The following KCTD9 variants were observed in gnomAD, a reference collection of about 807,000 sequenced individuals.
KCTD9 encodes potassium channel tetramerization domain containing 9.
A neutral mutation model predicts 53.3 loss-of-function variants in KCTD9; 17 were observed. That is an observed-to-expected ratio of 0.32 (90% CI 0.22 to 0.48). The LOEUF is 0.48. Ranked by LOEUF, KCTD9 falls within the 20% of genes least tolerant of loss-of-function variation. The pLI is 0.99. For missense variants in KCTD9, 179 were observed against 465.5 expected, an observed-to-expected ratio of 0.38 and a Z score of 5.66; for synonymous variants, 128 against 162.7, an observed-to-expected ratio of 0.79 and a Z score of 1.62.
At chr8:25,442,955 A>G (rs1400473609) in intron 3 of KCTD9, among the ~76,000 whole-genome samples, 2 of 152,180 alleles carry the variant, frequency 1.3e-5, no homozygotes, top group Admixed American at 6.5e-5. Flanking sequence ...GACTATTGAT[A>G]TAGAAAAAGG....
chr8:25,435,228 T>C (rs867962614), intron 9 of KCTD9, 135 bp downstream of exon 9: 3 of 570,562 alleles, frequency 5.3e-6, no homozygotes, highest in Admixed American at 4.1e-5. Context: ...TAGTCTTATA[T>C]CAACATAATA....
rs145412341 is a variant in KCTD9, at chr8:25,434,783, A to G, written c.813+580T>C. Among the ~76,000 whole-genome samples, 329 of 152,336 alleles carry G rather than the reference A, an allele frequency of 2.2e-3. 4 individuals carry two copies. The highest frequency in any genetic ancestry group is 6.8e-3 in the African/African-American group (282 of 41,572). On this transcript the variant is annotated intron_variant, in intron 9 of 11. Transcript: ENST00000221200. ...TGGTGGTAAGGAACTTAAAGTTGTT[A>G]AAAATTAATAGATTTCATTGTTGGT...
chr8:25,430,836 CACACACAA>C (rs1801914667), intron 11 of KCTD9, among the ~76,000 whole-genome samples: 1 of 143,816 alleles, frequency 7.0e-6, no homozygotes, highest in African/African-American at 2.7e-5. Context: ...CACACACACA[CACACACAA>C]TTTTTTTTTT....
intron 1 of KCTD9, among the ~76,000 whole-genome samples, chr8:25,449,694 G>A (rs962778799): frequency 5.9e-5 from 9 of 151,962 alleles, no homozygotes; most frequent in African/African-American, 1.9e-4. Context: ...AAGTTAAAAT[G>A]CAGTTCAGTC....
chr8:25,448,543 CTTTT>C (rs1309982971), intron 1 of KCTD9, among the ~76,000 whole-genome samples: 1 of 152,148 alleles, frequency 6.6e-6, no homozygotes, highest in Non-Finnish European at 1.5e-5. Flanking sequence ...TTTGTTCCAT[CTTTT>C]ATCACAATAA....
At chr8:25,457,428 G>A in intron 1 of KCTD9, 1 of 959,800 alleles carries the variant, frequency 1.0e-6, no homozygotes, top group Non-Finnish European at 1.2e-6. Flanking sequence ...GGCTGGGAAG[G>A]AAGAGAATTC....
In KCTD9 at chr8:25,427,999, T is replaced by G. The variant is rs973036217; in HGVS notation, c.*1858A>C. ...AAGCAAAATACAGAAAGTGATGATTTTCAAAAGGAAGAGAAGAAACTCCTT... is the reference window on the plus strand; with the variant it reads ...AAGCAAAATACAGAAAGTGATGATTGTCAAAAGGAAGAGAAGAAACTCCTT... On this transcript the variant is annotated 3_prime_UTR_variant, in exon 12 of 12. Transcript: ENST00000221200. 3.9e-5 allele frequency: 6 copies of G among 152,268 alleles called. No individual in the cohort carries two copies. Among genetic ancestry groups the G allele is most frequent in the Admixed American group, 1.3e-4 (2 of 15,274 alleles). 9.4% of individuals were successfully genotyped at this position (152,268 alleles called of 1,614,324 possible).
intron 3 of KCTD9, among the ~76,000 whole-genome samples, chr8:25,441,902 G>A (rs1017287798): frequency 2.0e-5 from 3 of 152,050 alleles, no homozygotes; most frequent in Non-Finnish European, 4.4e-5. Context: ...CTGGTTGGGG[G>A]CTGAGGCAGG....
At chr8:25,439,471 G>A (rs1218530174) in intron 5 of KCTD9, 64 bp from the exon 6 acceptor site, 7 of 1,563,472 alleles carry the variant, frequency 4.5e-6, no homozygotes, top group Non-Finnish European at 6.1e-6. Flanking sequence ...AAATGTATGA[G>A]GAAAAAATTG....
intron 1 of KCTD9, among the ~76,000 whole-genome samples, chr8:25,447,415 G>A (rs922110814): frequency 6.6e-6 from 1 of 152,098 alleles, no homozygotes; most frequent in Non-Finnish European, 1.5e-5. Flanking sequence ...ATAAGTAGGT[G>A]AAGAGCTAAA....
chr8:25,434,559 A>ACC (rs1801985754), intron 9 of KCTD9, among the ~76,000 whole-genome samples: 1 of 152,076 alleles, frequency 6.6e-6, no homozygotes, highest in Admixed American at 6.6e-5. Context: ...TACTAACCTG[A>ACC]CCCTTCATGA....
At chr8:25,453,242 A>C (rs1311784774) in intron 1 of KCTD9, among the ~76,000 whole-genome samples, 3 of 152,016 alleles carry the variant, frequency 2.0e-5, no homozygotes, top group African/African-American at 7.2e-5. Flanking sequence ...CTGTAATTCC[A>C]GCTACTCAGG....
At chr8:25,451,704 G>A (rs1419164530) in intron 1 of KCTD9, among the ~76,000 whole-genome samples, 1 of 152,162 alleles carries the variant, frequency 6.6e-6, no homozygotes, top group African/African-American at 2.4e-5. Context: ...ACCATGCCTA[G>A]TACGATTGGC....
At chr8:25,458,154 T>C (rs1586447317) in intron 1 of KCTD9, 45 bp downstream of exon 1, 3 of 1,465,116 alleles carry the variant, frequency 2.0e-6, no homozygotes, top group South Asian at 1.2e-5. Flanking sequence ...CCGTCCGCCC[T>C]CGCCCCGACC....
chr8:25,429,640 T>G lies in KCTD9; in HGVS notation c.*217A>C. The G allele has an allele frequency of 2.3e-6, 1 of 433,262 alleles. No homozygotes were observed. The highest frequency in any genetic ancestry group is 4.6e-5 in the East Asian group (1 of 21,526). 26.8% of individuals were successfully genotyped at this position (433,262 alleles called of 1,614,324 possible). On this transcript the variant is annotated 3_prime_UTR_variant, in exon 12 of 12. Coordinates refer to ENST00000221200, the MANE Select transcript of KCTD9 (RefSeq NM_017634.4). ...GGCAGCAATATCTAGTTTCCCTACATCTATTAAATGAGTGCTTTTCTGTTA... is the reference window on the plus strand; with the variant it reads ...GGCAGCAATATCTAGTTTCCCTACAGCTATTAAATGAGTGCTTTTCTGTTA...
rs527812457 is a variant in KCTD9 at position 25,446,823 on chromosome 8, C to T, written c.49-573G>A. Among the ~76,000 whole-genome samples the T allele has an allele frequency of 5.3e-5, 8 of 152,256 alleles. No homozygotes were observed. In the South Asian group the frequency reaches 1.7e-3, roughly 32 times the overall value. On this transcript the variant is annotated intron_variant, in intron 1 of 11. Transcript: ENST00000221200. ...CTACCACAGAAAAGATAACTTCTCA[C>T]CTCATTTATTTAATTCTTCACTAAC...
chr8:25,439,513 C>T, intron 5 of KCTD9, 93 bp downstream of exon 5: 2 of 1,553,408 alleles, frequency 1.3e-6, no homozygotes, highest in Non-Finnish European at 1.8e-6. Context: ...TAAAAACTGA[C>T]ATAATTAGTA....
intron 1 of KCTD9, among the ~76,000 whole-genome samples, chr8:25,451,726 T>A (rs551053985): frequency 7.3e-4 from 111 of 152,334 alleles, no homozygotes; most frequent in African/African-American, 2.4e-3. Flanking sequence ...AGTTTTAATT[T>A]ACCTTTAAAC....
chr8:25,435,450 C>T lies in KCTD9; in HGVS notation c.726G>A (p.Met242Ile). ...RLDLRYINFK[M>I]ANLSRCNLAH... ...CAAGATTACAGCGGCTTAAATTGGC[C>T]ATTTTGAAGTTAATGTATCGAAGGT... The change falls in exon 9 of 12, where the codon ATG (methionine) becomes ATA (isoleucine). Residue 242 changes from methionine (M) to isoleucine (I), a missense_variant. Transcript: ENST00000221200. 1.2e-6 allele frequency: 2 copies of T among 1,612,004 alleles called. No homozygotes were observed. Among genetic ancestry groups the T allele is most frequent in the African/African-American group, 1.3e-5 (1 of 74,950 alleles).
Sources: gnomAD v4.1 joint callset for allele counts (sites outside exome capture counted in the v4.1 genomes callset) on GRCh38, gnomAD v4.1.1 for gene constraint, MANE v1.5 for transcripts, NCBI Gene and HGNC (gene_info 2026-07-23, HGNC 2026-07-21) for gene names.